Variants in ZFAND3 observed in about 807,000 individuals in gnomAD.
ZFAND3 encodes AN1-type zinc finger protein 3.
In ZFAND3, 10 loss-of-function variants were observed where a neutral mutation model predicts 29.6. The observed-to-expected ratio is 0.34, with a 90% CI of 0.21 to 0.57. The LOEUF (loss-of-function observed/expected upper bound fraction) is 0.57, where lower values mean the gene tolerates loss of function less well. Among genes scored for constraint, ZFAND3 ranks in the 20% least tolerant of loss-of-function variants. The pLI is 0.86. For missense variants in ZFAND3, 230 were observed against 304.5 expected, an observed-to-expected ratio of 0.76 and a Z score of 1.82; for synonymous variants, 128 against 112.6, an observed-to-expected ratio of 1.14 and a Z score of -0.87.
At chr6:37,837,028 T>C (rs259718) in intron 1 of ZFAND3, among the ~76,000 whole-genome samples, 58,641 of 152,058 alleles carry the variant, frequency 0.39, 12,102 homozygotes, top group Non-Finnish European at 0.47. Flanking sequence ...GAAGTGCATC[T>C]GTGTTGCTGA....
At chr6:37,878,147 A>G (rs1764827960) in intron 1 of ZFAND3, among the ~76,000 whole-genome samples, 1 of 152,172 alleles carries the variant, frequency 6.6e-6, no homozygotes, top group Non-Finnish European at 1.5e-5. Context: ...CTGGAGGGAA[A>G]GTATGATCCG....
chr6:38,078,114 G>C (rs780895961), intron 3 of ZFAND3, among the ~76,000 whole-genome samples: 1 of 152,124 alleles, frequency 6.6e-6, no homozygotes, highest in African/African-American at 2.4e-5. Context: ...CTCTTTCCCC[G>C]GGAAAATCTA....
chr6:37,835,973 G>A (rs370153386), intron 1 of ZFAND3, among the ~76,000 whole-genome samples: 2 of 152,312 alleles, frequency 1.3e-5, no homozygotes, highest in East Asian at 3.9e-4. Flanking sequence ...CATGAAATAT[G>A]TTGAATTTTA....
At chr6:37,981,580 A>G (rs954084159) in intron 2 of ZFAND3, among the ~76,000 whole-genome samples, 2 of 152,130 alleles carry the variant, frequency 1.3e-5, no homozygotes, top group South Asian at 4.1e-4. Flanking sequence ...TTTGTTATAA[A>G]TTCTAAATTT....
chr6:38,124,435 C>T (rs987176918), intron 5 of ZFAND3, among the ~76,000 whole-genome samples: 3 of 152,128 alleles, frequency 2.0e-5, no homozygotes, highest in East Asian at 1.9e-4. Flanking sequence ...GGGGGCCAGG[C>T]GGGGAGGCTC....
At chr6:38,017,018 C>T (rs551541988) in intron 2 of ZFAND3, among the ~76,000 whole-genome samples, 1 of 152,202 alleles carries the variant, frequency 6.6e-6, no homozygotes, top group African/African-American at 2.4e-5. Context: ...TGCTTGCCTT[C>T]TGACCAAATT....
At chr6:38,029,326 G>A (rs1410524600) in intron 2 of ZFAND3, among the ~76,000 whole-genome samples, 1 of 152,076 alleles carries the variant, frequency 6.6e-6, no homozygotes, top group African/African-American at 2.4e-5. Context: ...TTCAGCCTTT[G>A]GATTTCAGGA....
In ZFAND3 at chr6:37,978,795, G is replaced by A. The variant is rs546846126; in HGVS notation, c.112+48796G>A. Among the ~76,000 whole-genome samples the A allele has an allele frequency of 8.5e-5, 13 of 152,314 alleles. No individual in the cohort carries two copies. The South Asian group carries it at 2.7e-3, about 32-fold the overall frequency. Reference sequence around the variant, plus strand: ...TTCTCATGCCTCAGCCTCCTGAGTAGCAGGGATTACAGGCGCCGGCCACCA... The same window carrying A: ...TTCTCATGCCTCAGCCTCCTGAGTAACAGGGATTACAGGCGCCGGCCACCA... On this transcript the variant is annotated intron_variant, in intron 2 of 5. Transcript: ENST00000287218.
chr6:37,824,202 C>T (rs560637794), intron 1 of ZFAND3, among the ~76,000 whole-genome samples: 18 of 152,136 alleles, frequency 1.2e-4, no homozygotes, highest in African/African-American at 3.6e-4. Flanking sequence ...AGGCAAAAAA[C>T]GTATTTGTTG....
intron 1 of ZFAND3, among the ~76,000 whole-genome samples, chr6:37,820,494 A>G (rs1026371238): frequency 1.3e-5 from 2 of 152,134 alleles, no homozygotes; most frequent in African/African-American, 4.8e-5. Flanking sequence ...ATCACTTCCT[A>G]GATTATATCC....
At chr6:37,976,584 CAAAAAAAAA>C (rs35783371) in intron 2 of ZFAND3, among the ~76,000 whole-genome samples, 1 of 76,892 alleles carries the variant, frequency 1.3e-5, no homozygotes, top group East Asian at 4.5e-4. Context: ...ACACTGTCTC[CAAAAAAAAA>C]AAAAAAAAAA....
intron 2 of ZFAND3, among the ~76,000 whole-genome samples, chr6:37,930,393 C>G (rs956773406): frequency 3.3e-5 from 5 of 152,064 alleles, no homozygotes; most frequent in Middle Eastern, 3.2e-3. Flanking sequence ...TGAGTTAGCC[C>G]ATCATCAGAT....
intron 1 of ZFAND3, among the ~76,000 whole-genome samples, chr6:37,845,023 CAA>C (rs1422440103): frequency 2.5e-4 from 20 of 81,354 alleles, no homozygotes; most frequent in Non-Finnish European, 2.0e-4. Context: ...GACTCCGTCT[CAA>C]AAAAAAAAAA....
chr6:38,006,854 T>A (rs2127441960), intron 2 of ZFAND3, among the ~76,000 whole-genome samples: 1 of 152,092 alleles, frequency 6.6e-6, no homozygotes, highest in East Asian at 1.9e-4. Context: ...ACAATTCCAT[T>A]AGTAAATGAA....
intron 1 of ZFAND3, among the ~76,000 whole-genome samples, chr6:37,911,676 G>C (rs1299635960): frequency 1.3e-5 from 2 of 152,110 alleles, no homozygotes; most frequent in Non-Finnish European, 2.9e-5. Context: ...TACTGGTTTG[G>C]GTTGTAACTG....
chr6:37,919,106 A>G (rs1761324168), intron 1 of ZFAND3, among the ~76,000 whole-genome samples: 1 of 151,972 alleles, frequency 6.6e-6, no homozygotes, highest in African/African-American at 2.4e-5. Flanking sequence ...GGCATGCGCT[A>G]CCACGCCCAG....
chr6:38,078,415 A>G (rs561003742), intron 3 of ZFAND3, among the ~76,000 whole-genome samples: 122 of 152,350 alleles, frequency 8.0e-4, no homozygotes, highest in African/African-American at 2.7e-3. Context: ...ATCAAATGCA[A>G]AATGTTAGTC....
intron 1 of ZFAND3, among the ~76,000 whole-genome samples, chr6:37,854,351 T>C (rs1469595730): frequency 2.0e-5 from 3 of 152,282 alleles, no homozygotes; most frequent in African/African-American, 7.2e-5. Flanking sequence ...AGGGGAGACA[T>C]GAATTCAGGT....
At chr6:38,054,842 C>G (rs370233337) in intron 2 of ZFAND3, among the ~76,000 whole-genome samples, 185 of 152,252 alleles carry the variant, frequency 1.2e-3, no homozygotes, top group African/African-American at 4.1e-3. Context: ...GATTAACATC[C>G]AACTACCAGA....
Sources: allele counts gnomAD v4.1 joint callset (sites outside exome capture counted in the v4.1 genomes callset), GRCh38; gene constraint gnomAD v4.1.1; transcripts MANE v1.5; gene names NCBI Gene and HGNC (gene_info 2026-07-23, HGNC 2026-07-21).